The following COL14A1 variants were observed in gnomAD, a reference collection of about 807,000 sequenced individuals.
COL14A1 encodes collagen alpha-1(XIV) chain.
A neutral mutation model predicts 230.3 loss-of-function variants in COL14A1; 136 were observed. The observed-to-expected ratio is 0.59, with a 90% confidence interval of 0.51 to 0.68. The LOEUF (loss-of-function observed/expected upper bound fraction) is 0.68, where lower values mean the gene tolerates loss of function less well. COL14A1 is among the 30% of genes least tolerant of loss of function. COL14A1 has a pLI of 0.00. For missense variants in COL14A1, 1,976 were observed against 2,215.8 expected, an observed-to-expected ratio of 0.89 and a Z score of 2.17; for synonymous variants, 792 against 784.1, an observed-to-expected ratio of 1.01 and a Z score of -0.17.
At chr8:120,306,495 C>CTG (rs1284440631) in intron 36 of COL14A1, among the ~76,000 whole-genome samples, 1 of 152,138 alleles carries the variant, frequency 6.6e-6, no homozygotes, top group Admixed American at 6.5e-5. Context: ...GTAATAAATT[C>CTG]TGTTTGATGA....
At chr8:120,229,709 CTAGTTTACAG>C (rs1445559188) in intron 18 of COL14A1, among the ~76,000 whole-genome samples, 1 of 152,180 alleles carries the variant, frequency 6.6e-6, no homozygotes, top group Non-Finnish European at 1.5e-5. Context: ...AATGATTGAA[CTAGTTTACAG>C]TCCCACCAAC....
At chr8:120,204,412 G>A (rs184901212) in intron 9 of COL14A1, among the ~76,000 whole-genome samples, 1 of 152,278 alleles carries the variant, frequency 6.6e-6, no homozygotes, top group Non-Finnish European at 1.5e-5. Flanking sequence ...TACGTGAATG[G>A]AGGTATGTGG....
chr8:120,356,075 T>G (rs1460297427), intron 45 of COL14A1, among the ~76,000 whole-genome samples: 1 of 152,216 alleles, frequency 6.6e-6, no homozygotes, highest in African/African-American at 2.4e-5. Flanking sequence ...TATGAAAGAT[T>G]GCTGAGGGTA....
intron 18 of COL14A1, among the ~76,000 whole-genome samples, chr8:120,230,689 A>G (rs1292212288): frequency 6.6e-6 from 1 of 152,134 alleles, no homozygotes; most frequent in Non-Finnish European, 1.5e-5. Context: ...ATTTTTGTTG[A>G]GTTAATAACT....
Position 120,291,364 on chromosome 8 carries a change from G to A in COL14A1, c.4236+1598G>A, listed in dbSNP as rs1336439939. ...ATCATGAGGTCAGGAGATCAAGACCGTCCTGTCTAACATGGTGAAACTCCG... is the reference window on the plus strand; with the variant it reads ...ATCATGAGGTCAGGAGATCAAGACCATCCTGTCTAACATGGTGAAACTCCG... On this transcript the variant is annotated intron_variant, in intron 34 of 47. Coordinates refer to ENST00000297848, the MANE Select transcript of COL14A1 (RefSeq NM_021110.4). Among the ~76,000 whole-genome samples, 9 of 151,680 alleles carry A rather than the reference G, an allele frequency of 5.9e-5. No homozygotes were observed. The East Asian group carries it at 9.7e-4, about 16-fold the overall frequency.
rs1586819890 is a variant in COL14A1 at position 120,270,234 on chromosome 8, A to G, written c.3213+60A>G. 2.0e-6 allele frequency: 3 copies of G among 1,497,542 alleles called. No individual in the cohort carries two copies. The East Asian group carries it at 7.3e-5, about 36-fold the overall frequency. The allele number at this position is 1,497,542 out of a possible 1,614,324, so 92.8% of individuals were successfully genotyped here. On this transcript the variant is annotated intron_variant, in intron 26 of 47. Transcript: ENST00000297848. ...TTTAGAAATTATTTCTCCAGCTCTT[A>G]TTACAGCTACTTGTCAGGGACTATA...
At chr8:120,205,507 T>C (rs563288728) in intron 9 of COL14A1, among the ~76,000 whole-genome samples, 3 of 152,214 alleles carry the variant, frequency 2.0e-5, no homozygotes, top group South Asian at 4.1e-4. Flanking sequence ...GCTTGCCTTA[T>C]AGAGTTGTAA....
chr8:120,210,008 GC>G (rs1160327266), intron 12 of COL14A1, 107 bp downstream of exon 12: 2 of 947,808 alleles, frequency 2.1e-6, no homozygotes, highest in Non-Finnish European at 2.8e-6. Flanking sequence ...TTTCAGATTA[GC>G]CAAAAGAAAA....
intron 40 of COL14A1, among the ~76,000 whole-genome samples, chr8:120,324,826 C>T (rs566829917): frequency 3.7e-4 from 57 of 152,274 alleles, no homozygotes; most frequent in African/African-American, 1.3e-3. Context: ...CCGCTGGCTA[C>T]AGAAACAAGT....
At chr8:120,333,798 C>T (rs1821952799) in intron 42 of COL14A1, among the ~76,000 whole-genome samples, 1 of 152,190 alleles carries the variant, frequency 6.6e-6, no homozygotes, top group South Asian at 2.1e-4. Context: ...TAGTCCTTGG[C>T]TCATGTCCAC....
chr8:120,343,409 G>A lies in COL14A1; in HGVS notation c.4888+963G>A, dbSNP rs574237455. On this transcript the variant is annotated intron_variant, in intron 44 of 47. Coordinates refer to ENST00000297848, the MANE Select transcript of COL14A1 (RefSeq NM_021110.4). ...GTTATATTTATTTTAACTCAAGAAAGTTTGGGAGTTAGGCCAGGAAGCCCT... is the reference window on the plus strand; with the variant it reads ...GTTATATTTATTTTAACTCAAGAAAATTTGGGAGTTAGGCCAGGAAGCCCT... Among the ~76,000 whole-genome samples, 273 of 152,278 alleles carry A rather than the reference G, an allele frequency of 1.8e-3. 1 individual carries two copies. Among genetic ancestry groups the A allele is most frequent in the African/African-American group, 6.2e-3 (259 of 41,546 alleles).
chr8:120,242,032 G>A (rs533937186), intron 19 of COL14A1, among the ~76,000 whole-genome samples: 34 of 152,150 alleles, frequency 2.2e-4, no homozygotes, highest in East Asian at 1.3e-3. Flanking sequence ...TTTGTTTTAC[G>A]CACAAAATTA....
At chr8:120,345,922 A>G (rs1238683719) in intron 45 of COL14A1, among the ~76,000 whole-genome samples, 2 of 152,192 alleles carry the variant, frequency 1.3e-5, no homozygotes, top group Non-Finnish European at 2.9e-5. Flanking sequence ...CTGACCAAAC[A>G]TGGCATCACA....
intron 5 of COL14A1, among the ~76,000 whole-genome samples, chr8:120,181,250 A>C (rs2130640278): frequency 6.6e-6 from 1 of 152,334 alleles, no homozygotes; most frequent in Admixed American, 6.5e-5. Context: ...AATTCTCTTT[A>C]GATTATCTCC....
chr8:120,190,914 A>C, intron 5 of COL14A1, among the ~76,000 whole-genome samples: 1 of 149,518 alleles, frequency 6.7e-6, no homozygotes, highest in Non-Finnish European at 1.5e-5. Flanking sequence ...TTTTTATTGC[A>C]TCTATTTGAT....
intron 1 of COL14A1, among the ~76,000 whole-genome samples, chr8:120,140,884 T>C (rs1814884467): frequency 6.6e-6 from 1 of 152,206 alleles, no homozygotes; most frequent in South Asian, 2.1e-4. Context: ...TTACTGATTG[T>C]AAAATTATGA....
intron 42 of COL14A1, among the ~76,000 whole-genome samples, chr8:120,338,893 C>T (rs2054149): frequency 0.97 from 146,936 of 151,728 alleles, 71,076 homozygotes; most frequent in East Asian, 1. Flanking sequence ...CCAGTAAACA[C>T]TAATGTCTCT....
chr8:120,246,740 G>A (rs1239171731), intron 20 of COL14A1, among the ~76,000 whole-genome samples: 9 of 152,214 alleles, frequency 5.9e-5, no homozygotes, highest in East Asian at 3.9e-4. Flanking sequence ...ACACAACTAC[G>A]TTTTATCAAC....
chr8:120,268,678 T>G (rs2129809642), intron 25 of COL14A1, among the ~76,000 whole-genome samples: 1 of 151,844 alleles, frequency 6.6e-6, no homozygotes, highest in East Asian at 1.9e-4. Context: ...AAATATTTAT[T>G]AAACGAACAT....
Sources: allele counts gnomAD v4.1 joint callset (sites outside exome capture counted in the v4.1 genomes callset), GRCh38; gene constraint gnomAD v4.1.1; transcripts MANE v1.5; gene names NCBI Gene and HGNC (gene_info 2026-07-23, HGNC 2026-07-21).